Variants in ABHD2 observed in about 807,000 individuals in gnomAD.
ABHD2 encodes monoacylglycerol lipase ABHD2.
ABHD2 carries 20 observed loss-of-function variants against 48.1 expected under a neutral mutation model. The ratio of observed to expected loss-of-function variants is 0.42; its 90% CI spans 0.29 to 0.60. The LOEUF is 0.60. Ranked by LOEUF, ABHD2 falls within the 20% of genes least tolerant of loss-of-function variation. The pLI is 0.24. For missense variants in ABHD2, 405 were observed against 550.9 expected, an observed-to-expected ratio of 0.74 and a Z score of 2.65; for synonymous variants, 209 against 214.2, an observed-to-expected ratio of 0.98 and a Z score of 0.21.
the ABHD2 span, among the ~76,000 whole-genome samples, chr15:89,077,160 C>T: frequency 5.1e-4 from 78 of 152,330 alleles, 1 homozygote; most frequent in East Asian, 0.014. Context: ...CTTTCCCAGT[C>T]TCTACCACCT....
chr15:89,063,349 T>G, the ABHD2 span, among the ~76,000 whole-genome samples: 1 of 152,114 alleles, frequency 6.6e-6, no homozygotes, highest in African/African-American at 2.4e-5. Flanking sequence ...TATGAAAAAT[T>G]TGCTCATAAC....
chr15:89,047,832 G>A, the ABHD2 span, among the ~76,000 whole-genome samples: 5 of 146,754 alleles, frequency 3.4e-5, no homozygotes, highest in African/African-American at 1.3e-4. Context: ...GCACACTGAT[G>A]GGTCTTGACT....
rs1208515970 is a variant in ABHD2, at chr15:89,173,810, A to C, written c.539-2002A>C. 6.6e-6 allele frequency among the ~76,000 whole-genome samples: 1 copy of C among 152,180 alleles called. No homozygotes were observed. Among genetic ancestry groups the C allele is most frequent in the African/African-American group, 2.4e-5 (1 of 41,440 alleles). On this transcript the variant is annotated intron_variant, in intron 5 of 10. Transcript: ENST00000352732. This position sits in a 1 kb window ranked among gnomAD's most constrained non-coding sequence, Gnocchi z 6.5. ...TGCTGAGTGTAAGAGGGAGAAAAATAAGCAGCTTGATCCTCTACTATCTCA... is the reference window on the plus strand; with the variant it reads ...TGCTGAGTGTAAGAGGGAGAAAAATCAGCAGCTTGATCCTCTACTATCTCA...
chr15:89,103,759 A>C (rs1237895924), intron 1 of ABHD2: 1 of 152,224 alleles, frequency 6.6e-6, no homozygotes, highest in Admixed American at 6.5e-5. Context: ...TGTGACCTAC[A>C]AGTTGGGGGC....
the ABHD2 span, among the ~76,000 whole-genome samples, chr15:89,065,856 T>A: frequency 6.6e-5 from 10 of 152,322 alleles, no homozygotes; most frequent in Admixed American, 2.6e-4. Flanking sequence ...CCTTGGTAAT[T>A]GCAGAGAATG....
chr15:89,085,092 C>T (rs1901330511), upstream of ABHD2, among the ~76,000 whole-genome samples: 1 of 152,330 alleles, frequency 6.6e-6, no homozygotes, highest in Middle Eastern at 3.4e-3. This position sits in a 1 kb window ranked among gnomAD's most constrained non-coding sequence, Gnocchi z 4.2. Context: ...TCCCTGCTGT[C>T]TCCCAGAGTA....
At chr15:89,191,596 T>C (rs2051306115) in intron 9 of ABHD2, among the ~76,000 whole-genome samples, 1 of 151,872 alleles carries the variant, frequency 6.6e-6, no homozygotes. Context: ...TGTTTCTGTA[T>C]CAAAGTAATG....
intron 1 of ABHD2, among the ~76,000 whole-genome samples, chr15:89,107,950 T>C (rs1166576141): frequency 2.0e-5 from 3 of 152,220 alleles, no homozygotes; most frequent in Admixed American, 6.5e-5. Context: ...ATGGTTCTGA[T>C]AGCTGAATCA....
Position 89,136,078 on chromosome 15 carries a change from C to A in ABHD2, c.195-15599C>A, listed in dbSNP as rs139550598. 8.2e-3 allele frequency: 1,676 copies of A among 203,662 alleles called. 26 individuals carry two copies. The highest frequency in any genetic ancestry group is 0.037 in the African/African-American group (1,551 of 41,634). 12.6% of individuals were successfully genotyped at this position (203,662 alleles called of 1,614,324 possible). On this transcript the variant is annotated intron_variant, in intron 3 of 10. Coordinates refer to ENST00000352732, the MANE Select transcript of ABHD2 (RefSeq NM_152924.5). ...AGTAGCTGGGATTACAGACGCCCGC[C>A]ACCATGCCTGGCAATTTTTTTTTTT...
chr15:89,138,776 G>A (rs72760651), intron 3 of ABHD2, among the ~76,000 whole-genome samples: 191 of 152,308 alleles, frequency 1.3e-3, no homozygotes, highest in Non-Finnish European at 2.3e-3. Flanking sequence ...ACTTCTGGTT[G>A]GGGGAGTTGA....
chr15:89,170,095 TTTTTTTTTTTTTTTTTTTG>T (rs2050899388), intron 5 of ABHD2, among the ~76,000 whole-genome samples: 1 of 109,924 alleles, frequency 9.1e-6, no homozygotes, highest in South Asian at 3.2e-4. Flanking sequence ...TTTTTTTTTT[TTTTTTTTTTTTTTTTTTTG>T]GAGACGGGGT....
At position 89,158,976 on chromosome 15, in the gene ABHD2, T is replaced by C. The variant is rs1357791094; in HGVS notation, c.538+3442T>C. ...ACCGTGCCAGCCAGGTTTATTCTTA[T>C]TCAAATACTTGAAGGTATATTCATG... On this transcript the variant is annotated intron_variant, in intron 5 of 10. Coordinates refer to ENST00000352732, the MANE Select transcript of ABHD2 (RefSeq NM_152924.5). Among the ~76,000 whole-genome samples the C allele has an allele frequency of 2.6e-5, 4 of 152,110 alleles. No individual in the cohort carries two copies. In the East Asian group the frequency reaches 5.8e-4, roughly 22 times the overall value.
At position 89,106,052 on chromosome 15, in the gene ABHD2, G is replaced by A. The variant is rs2049779489; in HGVS notation, c.-106-7673G>A. Among the ~76,000 whole-genome samples the A allele has an allele frequency of 6.6e-6, 1 of 152,094 alleles. No individual in the cohort carries two copies. The highest frequency in any genetic ancestry group is 6.6e-5 in the Admixed American group (1 of 15,266). On this transcript the variant is annotated intron_variant, in intron 1 of 10. Transcript: ENST00000352732. This position sits in a 1 kb window ranked among gnomAD's most constrained non-coding sequence, Gnocchi z 4.2. ...GTATTGGCCAGGTGCAGTAGCTCAC[G>A]CCTGTAATTCCAGCACTTTGGGAGG...
At chr15:89,138,984 G>A (rs2050360465) in intron 3 of ABHD2, among the ~76,000 whole-genome samples, 2 of 151,882 alleles carry the variant, frequency 1.3e-5, no homozygotes, top group Non-Finnish European at 1.5e-5. Flanking sequence ...GGGAGGCTGA[G>A]GTGGGAGGAT....
rs1305822134 is a variant in ABHD2 at position 89,100,362 on chromosome 15, T to G, written c.-107+11799T>G. On this transcript the variant is annotated intron_variant, in intron 1 of 10. Coordinates refer to ENST00000352732, the MANE Select transcript of ABHD2 (RefSeq NM_152924.5). The surrounding 1 kb of genome is among the most constrained non-coding windows in gnomAD (Gnocchi z 4.4). ...GTGCAATAGTGCGATCATAGCTCAC[T>G]GTAGCCTCAATCTTCTGTGCTCAAG... Among the ~76,000 whole-genome samples, 1 of 151,838 alleles carries G rather than the reference T, an allele frequency of 6.6e-6. No homozygotes were observed. The highest frequency in any genetic ancestry group is 1.5e-5 in the Non-Finnish European group (1 of 67,978).
chr15:89,059,663 G>T, the ABHD2 span, among the ~76,000 whole-genome samples: 1 of 152,168 alleles, frequency 6.6e-6, no homozygotes, highest in Admixed American at 6.5e-5. Flanking sequence ...GCAGTCGCAG[G>T]TGCCATTCCA....
chr15:89,058,131 C>G, the ABHD2 span, among the ~76,000 whole-genome samples: 2 of 152,192 alleles, frequency 1.3e-5, no homozygotes, highest in South Asian at 4.1e-4. Context: ...TAGATACCTT[C>G]ATAACCACCT....
the ABHD2 span, among the ~76,000 whole-genome samples, chr15:89,061,253 A>G: frequency 1.3e-5 from 2 of 152,072 alleles, 1 homozygote; most frequent in Admixed American, 1.3e-4. Flanking sequence ...CCCCATCTCT[A>G]CTAAAAATAC....
rs896085853 is a variant in ABHD2 at position 89,175,319 on chromosome 15, G to A, written c.539-493G>A. Among the ~76,000 whole-genome samples, 2 of 152,196 alleles carry A rather than the reference G, an allele frequency of 1.3e-5. No individual in the cohort carries two copies. Among genetic ancestry groups the A allele is most frequent in the Non-Finnish European group, 1.5e-5 (1 of 68,014 alleles). On this transcript the variant is annotated intron_variant, in intron 5 of 10. Coordinates refer to ENST00000352732, the MANE Select transcript of ABHD2 (RefSeq NM_152924.5). The surrounding 1 kb of genome is among the most constrained non-coding windows in gnomAD (Gnocchi z 5.7). Reference sequence around the variant, plus strand: ...GGCTCACTGTAGCCTCTGCCTCCCCGGCTCAAGGGATCCTCTTGCCTCAGC... The same window carrying A: ...GGCTCACTGTAGCCTCTGCCTCCCCAGCTCAAGGGATCCTCTTGCCTCAGC...
Sources: allele counts gnomAD v4.1 joint callset (sites outside exome capture counted in the v4.1 genomes callset), GRCh38; gene constraint gnomAD v4.1.1; non-coding constraint Gnocchi (gnomAD v3.1); transcripts MANE v1.5; gene names NCBI Gene and HGNC (gene_info 2026-07-23, HGNC 2026-07-21).